Variants in WDPCP observed in about 807,000 individuals in gnomAD.
The protein encoded by WDPCP is WD repeat-containing and planar cell polarity effector protein fritz homolog.
A neutral mutation model predicts 93.1 loss-of-function variants in WDPCP; 71 were observed. The observed-to-expected ratio is 0.76, with a 90% CI of 0.63 to 0.93. The LOEUF is 0.93. WDPCP is among the 40% of genes least tolerant of loss of function. WDPCP has a pLI of 0.00. For synonymous variants in WDPCP, 315 were observed against 315.0 expected (o/e 1.00, Z 0.00); for missense variants, 844 against 887.4 (o/e 0.95, Z 0.62).
At chr2:63,264,858 T>G (rs980267530) in intron 13 of WDPCP, among the ~76,000 whole-genome samples, 1 of 152,204 alleles carries the variant, frequency 6.6e-6, no homozygotes, top group African/African-American at 2.4e-5. Context: ...TTAGGAAGAC[T>G]GAAATCATAT....
At chr2:63,512,589 G>A (rs930789158) in intron 1 of WDPCP, among the ~76,000 whole-genome samples, 1 of 152,164 alleles carries the variant, frequency 6.6e-6, no homozygotes, top group Admixed American at 6.6e-5. Flanking sequence ...TATGTCCTTT[G>A]CAGGGGCATA....
chr2:63,488,295 C>A (rs1374009547), intron 2 of WDPCP, among the ~76,000 whole-genome samples: 1 of 152,022 alleles, frequency 6.6e-6, no homozygotes, highest in Non-Finnish European at 1.5e-5. Flanking sequence ...GAGGTGGAAG[C>A]AGTACAGGCT....
intron 12 of WDPCP, among the ~76,000 whole-genome samples, chr2:63,366,030 G>A (rs1354863364): frequency 6.6e-6 from 1 of 152,116 alleles, no homozygotes; most frequent in Non-Finnish European, 1.5e-5. Context: ...AAAGGTGCCT[G>A]ATAAATAGGA....
chr2:63,131,430 T>C (rs956359111), intron 17 of WDPCP, among the ~76,000 whole-genome samples: 1 of 152,234 alleles, frequency 6.6e-6, no homozygotes. Context: ...TATGTTACAC[T>C]GATAACAACT....
At chr2:63,434,859 C>A (rs1038009926) in intron 8 of WDPCP, among the ~76,000 whole-genome samples, 6 of 151,942 alleles carry the variant, frequency 3.9e-5, no homozygotes, top group Non-Finnish European at 5.9e-5. Flanking sequence ...GGCAGTAATG[C>A]GATAATGCCA....
chr2:63,612,590 T>A (rs1252303045), intron 3 of WDPCP, among the ~76,000 whole-genome samples: 1 of 152,212 alleles, frequency 6.6e-6, no homozygotes, highest in African/African-American at 2.4e-5. Context: ...ACAAACCTTA[T>A]TCCTTTTGTT....
chr2:63,824,946 A>G (rs1039032454), intron 1 of WDPCP, among the ~76,000 whole-genome samples: 11 of 152,214 alleles, frequency 7.2e-5, no homozygotes, highest in African/African-American at 2.4e-4. Context: ...ACATTTTCAC[A>G]TAATAAAAAC....
intron 2 of WDPCP, among the ~76,000 whole-genome samples, chr2:63,730,148 G>A (rs1446976148): frequency 1.3e-5 from 2 of 152,024 alleles, no homozygotes; most frequent in Non-Finnish European, 2.9e-5. Flanking sequence ...ACATTTGTAT[G>A]CATTATCTCA....
At chr2:63,449,414 T>C (rs960912672) in intron 6 of WDPCP, among the ~76,000 whole-genome samples, 1 of 152,122 alleles carries the variant, frequency 6.6e-6, no homozygotes, top group Non-Finnish European at 1.5e-5. Context: ...TATGAATAGA[T>C]AATTGCACCT....
chr2:63,219,877 C>T (rs1018016754), intron 14 of WDPCP, among the ~76,000 whole-genome samples: 2 of 152,048 alleles, frequency 1.3e-5, no homozygotes, highest in African/African-American at 4.8e-5. Context: ...GTGGCAGCAC[C>T]TATAGTCCCA....
chr2:63,503,964 T>C (rs1216353618), intron 1 of WDPCP, among the ~76,000 whole-genome samples: 1 of 151,854 alleles, frequency 6.6e-6, no homozygotes, highest in African/African-American at 2.4e-5. Context: ...GTGGAAAATT[T>C]TGGAGTGGCC....
intron 12 of WDPCP, among the ~76,000 whole-genome samples, chr2:63,373,602 G>GA (rs1691597354): frequency 6.6e-6 from 1 of 150,828 alleles, no homozygotes; most frequent in Admixed American, 6.6e-5. Context: ...AAAAACTGAG[G>GA]AAAAAAATCT....
chr2:63,237,325 A>T (rs1362956939), intron 14 of WDPCP, among the ~76,000 whole-genome samples: 1 of 152,156 alleles, frequency 6.6e-6, no homozygotes, highest in African/African-American at 2.4e-5. Flanking sequence ...AAAATTAAAA[A>T]ACAGCAGATG....
At position 63,174,752 on chromosome 2, in the gene WDPCP, A is replaced by G. The variant is rs554538342; in HGVS notation, c.1996T>C (p.Ser666Pro). 24 of 1,613,976 alleles carry G rather than the reference A, an allele frequency of 1.5e-5. No individual in the cohort carries two copies. In the South Asian group the frequency reaches 2.2e-4, roughly 15 times the overall value. Residue 666 changes from serine to proline, a missense_variant, in exon 15 of 18, where the codon TCA (serine) becomes CCA (proline). Coordinates refer to ENST00000272321, the MANE Select transcript of WDPCP (RefSeq NM_015910.7). ...GAGGGAGGGAGGTTATCTGGAAATGAGTCTTCTCCTTGAGGTGCTAAAGAC... is the reference window on the plus strand; with the variant it reads ...GAGGGAGGGAGGTTATCTGGAAATGGGTCTTCTCCTTGAGGTGCTAAAGAC... ...GLSLAPQGED[S>P]FPDNLPPSCP...
At chr2:63,131,587 G>C (rs1359680596) in intron 17 of WDPCP, among the ~76,000 whole-genome samples, 1 of 152,028 alleles carries the variant, frequency 6.6e-6, no homozygotes, top group African/African-American at 2.4e-5. Flanking sequence ...AGAATTAAAA[G>C]TGGATTTGTG....
At chr2:63,146,728 G>A (rs1671537935) in intron 17 of WDPCP, among the ~76,000 whole-genome samples, 1 of 152,140 alleles carries the variant, frequency 6.6e-6, no homozygotes, top group South Asian at 2.1e-4. Flanking sequence ...AAGAGGCGAA[G>A]TGTATGGATA....
intron 3 of WDPCP, among the ~76,000 whole-genome samples, chr2:63,623,846 A>G (rs572675417): frequency 2.6e-5 from 4 of 152,324 alleles, no homozygotes; most frequent in South Asian, 2.1e-4. Context: ...CCTAATAGAC[A>G]TGTTCAGAAC....
chr2:63,729,556 G>A (rs370952878), intron 2 of WDPCP, among the ~76,000 whole-genome samples: 2 of 152,062 alleles, frequency 1.3e-5, no homozygotes, highest in Non-Finnish European at 2.9e-5. Context: ...AATTCAAAGC[G>A]CTTCCTCTGA....
At chr2:63,384,721 TA>T (rs892317791) in intron 10 of WDPCP, among the ~76,000 whole-genome samples, 39 of 147,084 alleles carry the variant, frequency 2.7e-4, no homozygotes, top group Non-Finnish European at 4.6e-4. Context: ...ACTGTGTCTC[TA>T]AAAAAAAATA....
Sources: allele counts gnomAD v4.1 joint callset (sites outside exome capture counted in the v4.1 genomes callset), GRCh38; gene constraint gnomAD v4.1.1; transcripts MANE v1.5; gene names NCBI Gene and HGNC (gene_info 2026-07-23, HGNC 2026-07-21).